GREB1L: variants seen among roughly 807,000 people sequenced by gnomAD.
GREB1L encodes GREB1 like retinoic acid receptor coactivator.
A neutral mutation model predicts 200.8 loss-of-function variants in GREB1L; 17 were observed. The observed-to-expected ratio is 0.08, with a 90% CI of 0.06 to 0.13. GREB1L has a LOEUF of 0.13. Among genes scored for constraint, GREB1L ranks in the 10% least tolerant of loss-of-function variants. The pLI is 1.00. For synonymous variants in GREB1L, 789 were observed against 893.0 expected, an observed-to-expected ratio of 0.88 and a Z score of 2.08; for missense variants, 1,657 against 2,367.7, an observed-to-expected ratio of 0.70 and a Z score of 6.23.
At position 21,346,204 on chromosome 18, in the gene GREB1L, A is replaced by T. The variant is rs563835355; in HGVS notation, c.-119-19823A>T. Among the ~76,000 whole-genome samples, 4 of 152,104 alleles carry T rather than the reference A, an allele frequency of 2.6e-5. No individual in the cohort carries two copies. The East Asian group carries it at 7.7e-4, about 29-fold the overall frequency. On this transcript the variant is annotated intron_variant, in intron 1 of 32. Transcript: ENST00000424526. ...CTAATTCCCACTGATTTCATTCCTA[A>T]ATATTTCCCAGGCTCATCCCACCCT...
chr18:21,293,797 TGA>T (rs771904156), intron 1 of GREB1L, among the ~76,000 whole-genome samples: 28 of 152,180 alleles, frequency 1.8e-4, no homozygotes, highest in Non-Finnish European at 4.0e-4. Flanking sequence ...TTTTCTTTTT[TGA>T]GAGAGAGTCT....
intron 1 of GREB1L, among the ~76,000 whole-genome samples, chr18:21,330,983 A>G (rs574571561): frequency 7.9e-5 from 12 of 152,332 alleles, no homozygotes; most frequent in Non-Finnish European, 1.5e-4. Flanking sequence ...AACACTTTCT[A>G]ATATACATAT....
intron 1 of GREB1L, among the ~76,000 whole-genome samples, chr18:21,352,452 A>G (rs1226209939): frequency 6.6e-6 from 1 of 151,216 alleles, no homozygotes; most frequent in Non-Finnish European, 1.5e-5. Flanking sequence ...ATATATATAT[A>G]TGTTTTTTAT....
intron 1 of GREB1L, among the ~76,000 whole-genome samples, chr18:21,297,781 G>A (rs1288749777): frequency 6.6e-6 from 1 of 151,926 alleles, no homozygotes; most frequent in East Asian, 1.9e-4. Context: ...TTTTGTTTTG[G>A]TTTATGCTTG....
At chr18:21,399,171 G>A (rs1261526684) in intron 5 of GREB1L, among the ~76,000 whole-genome samples, 2 of 152,130 alleles carry the variant, frequency 1.3e-5, no homozygotes, top group Non-Finnish European at 2.9e-5. Flanking sequence ...AAACCACTTG[G>A]ACCTATCAGT....
intron 1 of GREB1L, among the ~76,000 whole-genome samples, chr18:21,341,697 A>C (rs962124111): frequency 1.3e-5 from 2 of 152,178 alleles, no homozygotes; most frequent in Non-Finnish European, 2.9e-5. Flanking sequence ...TTAAACCTAA[A>C]GGAGTGGTGA....
chr18:21,438,960 CAAA>C (rs59125788), intron 7 of GREB1L, among the ~76,000 whole-genome samples: 21 of 64,686 alleles, frequency 3.2e-4, no homozygotes, highest in African/African-American at 9.5e-4. Context: ...GACTCTGTCT[CAAA>C]AAAAAAAAAA....
At position 21,301,965 on chromosome 18, in the gene GREB1L, AAGG is replaced by A. The variant is rs1353820200; in HGVS notation, c.-120+59577_-120+59579del. The stretch of plus-strand genomic sequence containing the variant: ...GAGGAAGAATGGACTAAGGGAGAAA[AAGG>A]AGGAAACTCAGGAAGAGAGGCTGAG... On this transcript the variant is annotated intron_variant, in intron 1 of 32. Coordinates refer to ENST00000424526, the MANE Select transcript of GREB1L (RefSeq NM_001142966.3). Among the ~76,000 whole-genome samples, 27 of 152,320 alleles carry A rather than the reference AAGG, an allele frequency of 1.8e-4. No individual in the cohort carries two copies. In the Middle Eastern group the frequency reaches 0.01, roughly 58 times the overall value.
At chr18:21,425,353 A>G (rs1222118119) in intron 7 of GREB1L, among the ~76,000 whole-genome samples, 1 of 152,246 alleles carries the variant, frequency 6.6e-6, no homozygotes, top group Non-Finnish European at 1.5e-5. Flanking sequence ...CAATCCTGCT[A>G]TGAACATTTG....
chr18:21,292,379 A>G (rs867293369), intron 1 of GREB1L, among the ~76,000 whole-genome samples: 3 of 152,238 alleles, frequency 2.0e-5, no homozygotes, highest in Non-Finnish European at 1.5e-5. Flanking sequence ...TTCACGTACC[A>G]TAAAAAACAG....
intron 1 of GREB1L, among the ~76,000 whole-genome samples, chr18:21,261,471 C>T (rs544110560): frequency 1.3e-5 from 2 of 152,112 alleles, no homozygotes; most frequent in East Asian, 3.9e-4. Flanking sequence ...TTTCAACTTC[C>T]CTACAATAAA....
intron 1 of GREB1L, among the ~76,000 whole-genome samples, chr18:21,304,927 G>T (rs1191650580): frequency 6.6e-6 from 1 of 151,934 alleles, no homozygotes. Flanking sequence ...AACTATCAGA[G>T]AGGCCTTTCC....
At chr18:21,389,150 C>T (rs968304672) in intron 4 of GREB1L, among the ~76,000 whole-genome samples, 1 of 152,106 alleles carries the variant, frequency 6.6e-6, no homozygotes, top group Non-Finnish European at 1.5e-5. Context: ...TTCATCTCTT[C>T]TCTCCCATTT....
At chr18:21,370,731 A>G (rs912613550) in intron 2 of GREB1L, among the ~76,000 whole-genome samples, 1 of 152,190 alleles carries the variant, frequency 6.6e-6, no homozygotes, top group African/African-American at 2.4e-5. Flanking sequence ...ATCATTGTAC[A>G]TACTCTAGAG....
chr18:21,406,083 A>T (rs1291574644), intron 7 of GREB1L, among the ~76,000 whole-genome samples: 1 of 151,904 alleles, frequency 6.6e-6, no homozygotes, highest in African/African-American at 2.4e-5. Context: ...AAAGAACAAT[A>T]AAACATGTAA....
chr18:21,294,773 T>G (rs2038501495), intron 1 of GREB1L, among the ~76,000 whole-genome samples: 1 of 152,190 alleles, frequency 6.6e-6, no homozygotes, highest in South Asian at 2.1e-4. Flanking sequence ...ATTAGCATTC[T>G]CATTTCACAG....
chr18:21,342,733 A>T (rs544281732), intron 1 of GREB1L, among the ~76,000 whole-genome samples: 1 of 152,244 alleles, frequency 6.6e-6, no homozygotes, highest in African/African-American at 2.4e-5. Context: ...AGCCACAGGG[A>T]TTTCATTTTG....
At chr18:21,491,318 A>G (rs1321216567) in intron 19 of GREB1L, among the ~76,000 whole-genome samples, 1 of 152,132 alleles carries the variant, frequency 6.6e-6, no homozygotes, top group African/African-American at 2.4e-5. Flanking sequence ...GGGAATTTGC[A>G]TTTTCACCCT....
chr18:21,309,406 G>A (rs1358100888), intron 1 of GREB1L, among the ~76,000 whole-genome samples: 1 of 152,166 alleles, frequency 6.6e-6, no homozygotes, highest in Non-Finnish European at 1.5e-5. Context: ...AGGCCTCACG[G>A]TCATCTTTAG....
Sources: gnomAD v4.1 joint callset for allele counts (sites outside exome capture counted in the v4.1 genomes callset) on GRCh38, gnomAD v4.1.1 for gene constraint, MANE v1.5 for transcripts, NCBI Gene and HGNC (gene_info 2026-07-23, HGNC 2026-07-21) for gene names.